The following SLC22A7 variants were observed in gnomAD, a reference collection of about 807,000 sequenced individuals.
SLC22A7 encodes the protein hOAT2.
A neutral mutation model predicts 62.2 loss-of-function variants in SLC22A7; 48 were observed. The observed-to-expected ratio is 0.77, with a 90% CI of 0.61 to 0.98. SLC22A7 has a LOEUF of 0.98. SLC22A7 is among the 50% of genes least tolerant of loss of function. The pLI is 0.00. For synonymous variants in SLC22A7, 276 were observed against 314.8 expected, an observed-to-expected ratio of 0.88 and a Z score of 1.30; for missense variants, 581 against 703.8, an observed-to-expected ratio of 0.83 and a Z score of 1.97.
rs748563448 is a variant in SLC22A7, at chr6:43,299,297, C to T, written c.400-93C>T. On this transcript the variant is annotated intron_variant, in intron 2 of 10. Transcript: ENST00000372585. The surrounding 1 kb of genome is among the most constrained non-coding windows in gnomAD (Gnocchi z 4.4). ...GAGGTACCAGAATGGCAGAGTTCGC[C>T]TCAGAAGGCTCCAGGGTCTGGAGAG... 2 of 1,604,178 alleles carry T rather than the reference C, an allele frequency of 1.2e-6. No individual in the cohort carries two copies. Among genetic ancestry groups the T allele is most frequent in the Non-Finnish European group, 8.5e-7 (1 of 1,175,120 alleles).
intron 1 of SLC22A7, 36 bp downstream of exon 1, chr6:43,298,787 G>T (rs377553453): frequency 2.6e-6 from 4 of 1,515,934 alleles, no homozygotes; most frequent in African/African-American, 2.8e-5. Flanking sequence ...CATGTGAGAG[G>T]GATGGGCCTG....
At chr6:43,298,874 A>C (rs1239755524) in intron 1 of SLC22A7, 123 bp downstream of exon 1, 1 of 1,392,608 alleles carries the variant, frequency 7.2e-7, no homozygotes, top group African/African-American at 1.4e-5. Context: ...ACCAATCTGT[A>C]GATGGGGGCT....
chr6:43,302,467 T>C lies in SLC22A7; in HGVS notation c.1276+53T>C. 1 of 1,445,088 alleles carries C rather than the reference T, an allele frequency of 6.9e-7. No individual in the cohort carries two copies. Among genetic ancestry groups the C allele is most frequent in the Non-Finnish European group, 9.3e-7 (1 of 1,078,694 alleles). 89.5% of individuals were successfully genotyped at this position (1,445,088 alleles called of 1,614,324 possible). A position where few individuals can be genotyped will look rare whatever the true frequency, so the allele number is the denominator to read the frequency against. On this transcript the variant is annotated intron_variant, in intron 8 of 10. Transcript: ENST00000372585. The surrounding 1 kb of genome is among the most constrained non-coding windows in gnomAD (Gnocchi z 5.0). ...ACCCCAGAAGCCGGGCCAGGAACCCTGCCCACTCCCCGGAGACCCCACCTC... is the reference window on the plus strand; with the variant it reads ...ACCCCAGAAGCCGGGCCAGGAACCCCGCCCACTCCCCGGAGACCCCACCTC...
chr6:43,301,290 T>C, intron 6 of SLC22A7, 32 bp downstream of exon 6: 2 of 1,613,400 alleles, frequency 1.2e-6, no homozygotes, highest in Non-Finnish European at 1.7e-6. Flanking sequence ...AGCATGCATA[T>C]ATGTGTGTGG....
Position 43,299,582 on chromosome 6 carries a change from G to A in SLC22A7, c.504-45G>A, listed in dbSNP as rs760299960. 1 of 1,613,640 alleles carries A rather than the reference G, an allele frequency of 6.2e-7. No homozygotes were observed. Among genetic ancestry groups the A allele is most frequent in the Non-Finnish European group, 8.5e-7 (1 of 1,179,738 alleles). On this transcript the variant is annotated intron_variant, in intron 3 of 10. Coordinates refer to ENST00000372585, the MANE Select transcript of SLC22A7 (RefSeq NM_153320.2). The surrounding 1 kb of genome is among the most constrained non-coding windows in gnomAD (Gnocchi z 4.4). ...ATGAGCCTAGTCTACCTATGCCTTA[G>A]AACCTCCTTCCACAGGGAACTGACC...
At chr6:43,298,873 T>A in intron 1 of SLC22A7, 122 bp downstream of exon 1, 5 of 1,394,842 alleles carry the variant, frequency 3.6e-6, no homozygotes, top group Non-Finnish European at 4.8e-6. Flanking sequence ...TACCAATCTG[T>A]AGATGGGGGC....
In SLC22A7 at chr6:43,304,673, C is replaced by T. The variant is rs1190630516; in HGVS notation, c.1595C>T (p.Ala532Val). 1.2e-6 allele frequency: 2 copies of T among 1,603,084 alleles called. No homozygotes were observed. Among genetic ancestry groups the T allele is most frequent in the African/African-American group, 2.7e-5 (2 of 74,496 alleles). The change falls in exon 11 of 11, where the codon GCC becomes GTC. Residue 532 changes from alanine to valine, a missense_variant and splice_region_variant. Coordinates refer to ENST00000372585, the MANE Select transcript of SLC22A7 (RefSeq NM_153320.2). ...GCTCACAACTCCTTCCTCCCTAGTGCCCCAACCAGTCTTCAGGAGGAAGAG... is the reference window on the plus strand; with the variant it reads ...GCTCACAACTCCTTCCTCCCTAGTGTCCCAACCAGTCTTCAGGAGGAAGAG... ...ETIQDVERKS[A>V]PTSLQEEEMP...
chr6:43,296,206 G>A (rs2150726040), upstream of SLC22A7, among the ~76,000 whole-genome samples: 1 of 152,354 alleles, frequency 6.6e-6, no homozygotes, highest in East Asian at 1.9e-4. Flanking sequence ...TGCCTGGCCA[G>A]GGCTGCAGAT....
chr6:43,300,135 G>A (rs1778689384), intron 5 of SLC22A7, 69 bp downstream of exon 5: 1 of 1,508,884 alleles, frequency 6.6e-7, no homozygotes. Context: ...CAGAGCCTGA[G>A]ATTTGAGGAT....
At position 43,304,063 on chromosome 6, in the gene SLC22A7, C is replaced by T. The variant is rs1418888068; in HGVS notation, c.1411C>T (p.Leu471=). The change falls in exon 10 of 11, where the codon CTG becomes TTG. Residue 471 remains leucine (L), a synonymous_variant. Coordinates refer to ENST00000372585, the MANE Select transcript of SLC22A7 (RefSeq NM_153320.2). ...ACAGACAGGGATGGGGCTGACTGCA[C>T]TGGTGGGCCGGCTGGGGGGCTCTTT... ...LRQTGMGLTA[L]VGRLGGSLAP... The T allele has an allele frequency of 6.3e-7, 1 of 1,585,838 alleles. No homozygotes were observed.
intron 5 of SLC22A7, among the ~76,000 whole-genome samples, chr6:43,300,445 G>A (rs1269279237): frequency 2.0e-5 from 3 of 152,012 alleles, no homozygotes; most frequent in African/African-American, 7.3e-5. Context: ...ACTTGGCCTT[G>A]GATGACCCTT....
At chr6:43,301,787 G>GT (rs1446246549) in intron 7 of SLC22A7, 95 bp downstream of exon 7, 3 of 840,212 alleles carry the variant, frequency 3.6e-6, no homozygotes, top group African/African-American at 1.7e-5. Context: ...TGAGGGACAA[G>GT]TAGAGTGTCA....
chr6:43,298,210 G>A, upstream of SLC22A7: 1 of 700,712 alleles, frequency 1.4e-6, no homozygotes, highest in South Asian at 1.9e-5. Context: ...GCCCAGTCCT[G>A]GGCCAGCCCC....
Position 43,299,873 on chromosome 6 carries a change from C to A in SLC22A7, c.659-25C>A, listed in dbSNP as rs770801544. On this transcript the variant is annotated intron_variant, in intron 4 of 10. Transcript: ENST00000372585. This position sits in a 1 kb window ranked among gnomAD's most constrained non-coding sequence, Gnocchi z 4.4. ...AGCCCATCTGGTCCTCACTAACCAT[C>A]TTCCTGTCTCCTGTCCTGGCCCAGA... 1.9e-6 allele frequency: 3 copies of A among 1,614,242 alleles called. No homozygotes were observed. The highest frequency in any genetic ancestry group is 2.5e-6 in the Non-Finnish European group (3 of 1,180,046).
At position 43,302,755 on chromosome 6, in the gene SLC22A7, G is replaced by C; in HGVS notation, c.1377G>C (p.Thr459=). The change falls in exon 9 of 11, where the codon ACG becomes ACC. Residue 459 remains threonine (T), a synonymous_variant. Transcript: ENST00000372585. The surrounding 1 kb of genome is among the most constrained non-coding windows in gnomAD (Gnocchi z 5.0). The part of the protein sequence containing the change: ...AYLFTSELYP[T]VLRQTGMGLT... ...TGTTCACTTCAGAGTTGTACCCTAC[G>C]GTGCTCAGGTGAGGAAGCCTGCAAC... 6.2e-7 allele frequency: 1 copy of C among 1,604,634 alleles called. No individual in the cohort carries two copies. Among genetic ancestry groups the C allele is most frequent in the Non-Finnish European group, 8.5e-7 (1 of 1,173,872 alleles).
Position 43,298,329 on chromosome 6 carries a change from T to C in SLC22A7, c.-30T>C. 6.3e-7 allele frequency: 1 copy of C among 1,579,004 alleles called. No homozygotes were observed. Among genetic ancestry groups the C allele is most frequent in the Non-Finnish European group, 8.6e-7 (1 of 1,158,388 alleles). ...AGCTGGCTGGATACTAGAGGGAGGC[T>C]GCACCTGAAGCATTTGGTGGGTGAG... On this transcript the variant is annotated 5_prime_UTR_variant, in exon 1 of 11. Transcript: ENST00000372585.
chr6:43,296,289 A>C (rs982849913), upstream of SLC22A7, among the ~76,000 whole-genome samples: 1 of 152,354 alleles, frequency 6.6e-6, no homozygotes, highest in Middle Eastern at 3.4e-3. Flanking sequence ...GCTATTTCTG[A>C]TATTAAAGCA....
At position 43,304,715 on chromosome 6, in the gene SLC22A7, T is replaced by C. The variant is rs758777682; in HGVS notation, c.1637T>C (p.Val546Ala). 1.3e-6 allele frequency: 2 copies of C among 1,587,670 alleles called. No homozygotes were observed. The highest frequency in any genetic ancestry group is 1.1e-5 in the South Asian group (1 of 89,018). ...LQEEEMPMKQ[V>A]QN ...GAGGAAGAGATGCCCATGAAGCAGG[T>C]CCAGAACTAAGTGGGAGTGGAGGCA... The change falls in exon 11 of 11, where the codon GTC becomes GCC. Residue 546 changes from valine (V) to alanine (A), a missense_variant. Val to Ala is a moderately conservative substitution (Grantham distance 64, BLOSUM62 0). Coordinates refer to ENST00000372585, the MANE Select transcript of SLC22A7 (RefSeq NM_153320.2).
intron 5 of SLC22A7, 137 bp downstream of exon 5, chr6:43,300,203 C>G: frequency 1.1e-6 from 1 of 885,468 alleles, no homozygotes. Context: ...CAGAAAGAGA[C>G]ACAGAGAAAA....
Sources: gnomAD v4.1 joint callset for allele counts (sites outside exome capture counted in the v4.1 genomes callset) on GRCh38, gnomAD v4.1.1 for gene constraint, Gnocchi (gnomAD v3.1) non-coding constraint, MANE v1.5 for transcripts, NCBI Gene and HGNC (gene_info 2026-07-23, HGNC 2026-07-21) for gene names.